Variants in CNTN5 observed in about 807,000 individuals in gnomAD.
CNTN5 encodes the protein contactin 5.
A neutral mutation model predicts 129.1 loss-of-function variants in CNTN5; 77 were observed. The observed-to-expected ratio is 0.60, with a 90% CI of 0.50 to 0.72. The LOEUF (loss-of-function observed/expected upper bound fraction) is 0.72. CNTN5 is among the 30% of genes least tolerant of loss of function. The probability of loss-of-function intolerance (pLI) is 0.00; values close to 1 mark genes in which losing one functional copy is unlikely to be tolerated. For missense variants in CNTN5, 1,478 were observed against 1,328.8 expected (o/e 1.11, Z -1.75); for synonymous variants, 509 against 465.6 (o/e 1.09, Z -1.20).
chr11:99,775,089 A>C (rs952746920), intron 3 of CNTN5, among the ~76,000 whole-genome samples: 1 of 152,078 alleles, frequency 6.6e-6, no homozygotes, highest in Admixed American at 6.6e-5. Context: ...CTCTATAGCT[A>C]AGTCAATCCA....
chr11:99,644,390 A>G (rs1565382460), intron 3 of CNTN5, among the ~76,000 whole-genome samples: 1 of 152,184 alleles, frequency 6.6e-6, no homozygotes, highest in East Asian at 1.9e-4. Context: ...GGAAGAATTG[A>G]GGAAGCAAAC....
chr11:99,367,050 T>C (rs756671445), intron 2 of CNTN5, among the ~76,000 whole-genome samples: 1 of 152,198 alleles, frequency 6.6e-6, no homozygotes, highest in African/African-American at 2.4e-5. Context: ...AATGTTTTTA[T>C]GGTATTATGC....
chr11:99,409,801 C>G (rs1192489370), intron 2 of CNTN5, among the ~76,000 whole-genome samples: 1 of 151,988 alleles, frequency 6.6e-6, no homozygotes, highest in Non-Finnish European at 1.5e-5. Flanking sequence ...ATAATTGAAC[C>G]AAAAATTGAA....
At chr11:99,085,246 T>C (rs1865960256) in intron 1 of CNTN5, among the ~76,000 whole-genome samples, 1 of 143,364 alleles carries the variant, frequency 7.0e-6, no homozygotes. Flanking sequence ...GGTTTTACCA[T>C]GTTGGCCCAG....
chr11:99,028,088 T>C (rs1863182088), intron 1 of CNTN5, among the ~76,000 whole-genome samples: 1 of 151,834 alleles, frequency 6.6e-6, no homozygotes, highest in Non-Finnish European at 1.5e-5. Flanking sequence ...CATTCAATTC[T>C]TTAACATTTT....
intron 2 of CNTN5, among the ~76,000 whole-genome samples, chr11:99,409,040 A>G (rs571662894): frequency 1.3e-5 from 2 of 152,370 alleles, no homozygotes; most frequent in Admixed American, 6.5e-5. Context: ...TCTGATTCTA[A>G]TAGTAGTGAA....
intron 2 of CNTN5, among the ~76,000 whole-genome samples, chr11:99,368,478 A>C (rs1939601928): frequency 6.6e-6 from 1 of 151,864 alleles, no homozygotes; most frequent in South Asian, 2.1e-4. Flanking sequence ...TCTTGTCTTA[A>C]ATTAAAAAAA....
chr11:100,229,720 C>T (rs1357250787), intron 16 of CNTN5, among the ~76,000 whole-genome samples: 2 of 152,212 alleles, frequency 1.3e-5, no homozygotes, highest in Admixed American at 1.3e-4. Context: ...ACATCTCTCA[C>T]TGCACTACCC....
At chr11:100,050,396 A>C (rs1028233175) in intron 9 of CNTN5, among the ~76,000 whole-genome samples, 2 of 151,716 alleles carry the variant, frequency 1.3e-5, no homozygotes, top group Non-Finnish European at 2.9e-5. Context: ...AACACCGCAT[A>C]TTCTCACTCA....
intron 1 of CNTN5, among the ~76,000 whole-genome samples, chr11:99,066,034 G>A (rs569395552): frequency 3.3e-5 from 5 of 152,066 alleles, no homozygotes; most frequent in Non-Finnish European, 7.4e-5. Context: ...AATGATAAAG[G>A]AAGTTATATG....
chr11:99,724,271 C>T (rs532358864), intron 3 of CNTN5, among the ~76,000 whole-genome samples: 11 of 152,220 alleles, frequency 7.2e-5, no homozygotes, highest in South Asian at 2.1e-4. Context: ...CTGTTCTCTG[C>T]TTTTAACTCT....
chr11:100,355,246 A>G (rs1952495963), intron 24 of CNTN5, among the ~76,000 whole-genome samples: 1 of 151,724 alleles, frequency 6.6e-6, no homozygotes, highest in Non-Finnish European at 1.5e-5. Context: ...ACTAAGTCAC[A>G]AACATCCACA....
rs527298980 is a variant in CNTN5 at position 99,402,710 on chromosome 11, C to A, written c.-71+77226C>A. Among the ~76,000 whole-genome samples the A allele has an allele frequency of 4.5e-4, 68 of 152,162 alleles. 1 individual carries two copies. Among genetic ancestry groups the A allele is most frequent in the Admixed American group, 3.1e-3 (47 of 15,274 alleles). On this transcript the variant is annotated intron_variant, in intron 2 of 24. Transcript: ENST00000524871. Reference sequence around the variant, plus strand: ...TGAAGCCACTGGATTCTGAGCTTTTCTTTACTGGGAGACTTTATTACAGCT... The same window carrying A: ...TGAAGCCACTGGATTCTGAGCTTTTATTTACTGGGAGACTTTATTACAGCT...
At chr11:99,058,823 A>T (rs1864744033) in intron 1 of CNTN5, among the ~76,000 whole-genome samples, 1 of 151,926 alleles carries the variant, frequency 6.6e-6, no homozygotes, top group Non-Finnish European at 1.5e-5. Flanking sequence ...CACAGAGCTC[A>T]GAAAGATAAT....
intron 1 of CNTN5, among the ~76,000 whole-genome samples, chr11:99,084,267 G>A (rs1324132562): frequency 6.6e-6 from 1 of 152,194 alleles, no homozygotes; most frequent in East Asian, 1.9e-4. Context: ...TCTTCAAACA[G>A]TATAGCAGTT....
At chr11:100,056,389 A>T (rs1054516627) in intron 9 of CNTN5, among the ~76,000 whole-genome samples, 1 of 151,622 alleles carries the variant, frequency 6.6e-6, no homozygotes, top group South Asian at 2.1e-4. Flanking sequence ...ACCATTTGCC[A>T]TTTAGAGGAA....
At chr11:99,218,079 AGCAGTAGCTACTGTTAAGATCAATGATCC>A (rs1252220729) in intron 1 of CNTN5, among the ~76,000 whole-genome samples, 1 of 152,120 alleles carries the variant, frequency 6.6e-6, no homozygotes, top group Admixed American at 6.6e-5. Context: ...TGGTAGTTCT[AGCAGTAGCTACTGTTAAGATCAATGATCC>A]TTCCTTTGCC....
intron 3 of CNTN5, among the ~76,000 whole-genome samples, chr11:99,680,727 C>T (rs1337872382): frequency 2.0e-5 from 3 of 151,574 alleles, no homozygotes; most frequent in Non-Finnish European, 4.4e-5. Context: ...TTTTACCTTA[C>T]TTTGCCCAGG....
intron 15 of CNTN5, among the ~76,000 whole-genome samples, chr11:100,204,297 AATATATATAT>A (rs10633078): frequency 0.026 from 463 of 17,654 alleles, 8 homozygotes; most frequent in African/African-American, 0.037. Context: ...AACATTGACT[AATATATATAT>A]ATATATATAT....
Sources: allele counts gnomAD v4.1 joint callset (sites outside exome capture counted in the v4.1 genomes callset), GRCh38; gene constraint gnomAD v4.1.1; transcripts MANE v1.5; gene names NCBI Gene and HGNC (gene_info 2026-07-23, HGNC 2026-07-21).